The following PGAP1 variants were observed in gnomAD, a reference collection of about 807,000 sequenced individuals.
PGAP1 encodes the protein GPI inositol-deacylase.
In PGAP1, 76 loss-of-function variants were observed where a neutral mutation model predicts 127.0. The ratio of observed to expected loss-of-function variants is 0.60; its 90% confidence interval spans 0.50 to 0.72. The LOEUF is 0.72. PGAP1 is among the 30% of genes least tolerant of loss of function. The pLI, the probability that PGAP1 is intolerant of heterozygous loss-of-function variation, is 0.00. For missense variants in PGAP1, 982 were observed against 1,071.3 expected, an observed-to-expected ratio of 0.92 and a Z score of 1.16; for synonymous variants, 362 against 366.5, an observed-to-expected ratio of 0.99 and a Z score of 0.14.
Position 196,848,017 on chromosome 2 carries a change from T to C in PGAP1, c.1882A>G (p.Thr628Ala), listed in dbSNP as rs1334582239. The C allele has an allele frequency of 1.2e-6, 2 of 1,600,102 alleles. No individual in the cohort carries two copies. Among genetic ancestry groups the C allele is most frequent in the South Asian group, 1.1e-5 (1 of 87,696 alleles). The change falls in exon 21 of 27, where the codon ACC becomes GCC. Residue 628 changes from threonine (T) to alanine (A), a missense_variant. Physicochemically the swap from Thr to Ala is moderately conservative, Grantham distance 58. Coordinates refer to ENST00000354764, the MANE Select transcript of PGAP1 (RefSeq NM_024989.4). ...GGTTTGGCTTCTTTATCCAACATGG[T>C]AGCATATTCTAAGCAACAACCTGGT... is the stretch of plus-strand genomic sequence containing the variant. ...FSTGCCLEYA[T>A]MLDKEAKPYK...
intron 1 of PGAP1, among the ~76,000 whole-genome samples, chr2:196,925,127 A>G (rs1400046192): frequency 6.6e-6 from 1 of 152,232 alleles, no homozygotes; most frequent in Non-Finnish European, 1.5e-5. Flanking sequence ...CTTCGATAGC[A>G]TCCCTACCAA....
intron 1 of PGAP1, among the ~76,000 whole-genome samples, chr2:196,925,717 T>C (rs548831622): frequency 3.3e-5 from 5 of 152,070 alleles, no homozygotes; most frequent in South Asian, 2.1e-4. Flanking sequence ...CACCATGAAA[T>C]AGATTTTGTA....
intron 4 of PGAP1, among the ~76,000 whole-genome samples, chr2:196,911,988 A>T (rs1282846918): frequency 6.6e-6 from 1 of 152,118 alleles, no homozygotes; most frequent in East Asian, 1.9e-4. Flanking sequence ...GCCAGGGTCA[A>T]ATACTGGTTT....
At chr2:196,874,895 A>G (rs1306158205) in intron 14 of PGAP1, among the ~76,000 whole-genome samples, 1 of 152,164 alleles carries the variant, frequency 6.6e-6, no homozygotes, top group Non-Finnish European at 1.5e-5. Context: ...ACATGCCTGT[A>G]GTCCTAGCTA....
rs1248012314 is a variant in PGAP1 at position 196,920,129 on chromosome 2, G to A, written c.169C>T (p.Leu57=). 1.2e-6 allele frequency: 2 copies of A among 1,604,324 alleles called. No individual in the cohort carries two copies. Among genetic ancestry groups the A allele is most frequent in the African/African-American group, 1.3e-5 (1 of 74,630 alleles). Residue 57 remains leucine, a synonymous_variant, in exon 2 of 27, where the codon CTG becomes TTG. Transcript: ENST00000354764. The part of the protein sequence containing the change: ...EYQKIELPKK[L]AKRYPAYELY... ...TCATATGCGGGATAGCGTTTTGCCA[G>A]TTTCTTTGGAAGTTCTATTTTCTAC...
At chr2:196,884,710 A>G (rs1207299813) in intron 12 of PGAP1, among the ~76,000 whole-genome samples, 1 of 152,242 alleles carries the variant, frequency 6.6e-6, no homozygotes, top group Non-Finnish European at 1.5e-5. Context: ...AGGATTCATT[A>G]TGAAACTATA....
chr2:196,925,817 A>AAGAGG (rs1703341452), intron 1 of PGAP1, among the ~76,000 whole-genome samples: 1 of 152,172 alleles, frequency 6.6e-6, no homozygotes, highest in Non-Finnish European at 1.5e-5. Context: ...ACGGCCCCTT[A>AAGAGG]ACCTGCAAAA....
intron 12 of PGAP1, among the ~76,000 whole-genome samples, chr2:196,882,976 G>T (rs754884845): frequency 6.6e-5 from 10 of 152,148 alleles, no homozygotes; most frequent in Non-Finnish European, 1.2e-4. Flanking sequence ...TCAGTATGAT[G>T]TTGGCTGTGG....
chr2:196,922,232 T>A (rs1158588689), intron 1 of PGAP1: 2 of 1,262,274 alleles, frequency 1.6e-6, no homozygotes, highest in Non-Finnish European at 2.1e-6. Flanking sequence ...TCCCAGGTAA[T>A]AGAAAAATGC....
chr2:196,881,333 A>G (rs1053624465), intron 12 of PGAP1, among the ~76,000 whole-genome samples: 1 of 152,202 alleles, frequency 6.6e-6, no homozygotes, highest in East Asian at 1.9e-4. Context: ...ATGAACACAC[A>G]TACATGTGTC....
intron 17 of PGAP1, 169 bp downstream of exon 17, chr2:196,872,791 A>C: frequency 1.8e-6 from 1 of 558,908 alleles, no homozygotes; most frequent in Admixed American, 3.5e-5. Flanking sequence ...TAAGTTCTCT[A>C]TCATTTCATA....
chr2:196,895,946 G>A (rs112035936), intron 7 of PGAP1, among the ~76,000 whole-genome samples: 2 of 152,146 alleles, frequency 1.3e-5, no homozygotes, highest in African/African-American at 2.4e-5. Flanking sequence ...AGAAGCCAGA[G>A]CCATAGTTCT....
chr2:196,904,272 C>A (rs1440763225), intron 4 of PGAP1, among the ~76,000 whole-genome samples: 1 of 152,178 alleles, frequency 6.6e-6, no homozygotes, highest in South Asian at 2.1e-4. Context: ...CTAATTCGAT[C>A]CCGCATTGCA....
At chr2:196,878,184 T>C (rs1247870835) in intron 13 of PGAP1, among the ~76,000 whole-genome samples, 1 of 152,170 alleles carries the variant, frequency 6.6e-6, no homozygotes, top group Non-Finnish European at 1.5e-5. Flanking sequence ...CCAAAATGCA[T>C]GGAACTAGAA....
intron 6 of PGAP1, 113 bp downstream of exon 6, chr2:196,898,204 C>T (rs542208643): frequency 2.3e-5 from 16 of 684,568 alleles, no homozygotes; most frequent in East Asian, 1.7e-4. Flanking sequence ...GGCAACAGAG[C>T]GAGACTCTGT....
chr2:196,912,613 C>T (rs1248397603), intron 4 of PGAP1, among the ~76,000 whole-genome samples: 4 of 124,812 alleles, frequency 3.2e-5, no homozygotes, highest in South Asian at 2.5e-4. Flanking sequence ...AAAAACTAAA[C>T]GGAAGCCCTA....
rs1454327957 is a variant in PGAP1, at chr2:196,842,773, T to A, written c.2578A>T (p.Ile860Phe). Residue 860 changes from isoleucine (I) to phenylalanine (F), a missense_variant, in exon 26 of 27, where the codon ATT becomes TTT. Ile to Phe is a conservative substitution (Grantham distance 21). Transcript: ENST00000354764. ...TTTCCAAGAATTGCCATAGTCGGAA[T>A]AAGGATAAATGCCAAAGGTTTACAT... ...DPCKPLAFIL[I>F]PTMAILGNTY... The A allele has an allele frequency of 6.3e-7, 1 of 1,589,386 alleles. No individual in the cohort carries two copies. Among genetic ancestry groups the A allele is most frequent in the Non-Finnish European group, 8.6e-7 (1 of 1,164,588 alleles).
intron 1 of PGAP1, among the ~76,000 whole-genome samples, chr2:196,924,024 G>C (rs1250294237): frequency 6.6e-6 from 1 of 152,232 alleles, no homozygotes. Flanking sequence ...CTTGAGATAT[G>C]GGTTCGTGAG....
At position 196,885,853 on chromosome 2, in the gene PGAP1, T is replaced by C; in HGVS notation, c.1201A>G (p.Ile401Val). 7.0e-7 allele frequency: 1 copy of C among 1,419,656 alleles called. No individual in the cohort carries two copies. Among genetic ancestry groups the C allele is most frequent in the Non-Finnish European group, 9.2e-7 (1 of 1,082,558 alleles). The allele number at this position is 1,419,656 out of a possible 1,614,324, so 87.9% of individuals were successfully genotyped here. Residue 401 changes from isoleucine (I) to valine (V), a missense_variant, in exon 11 of 27, where the codon ATA (isoleucine) becomes GTA (valine). Ile to Val is a conservative substitution (Grantham distance 29). Coordinates refer to ENST00000354764, the MANE Select transcript of PGAP1 (RefSeq NM_024989.4). ...LDTNSWIFAC[I>V]NSTSMCLQGV... ...ACTTACCACATAGAAGTGCTGTTTATGCAAGCAAAAATCCAACTATTTGTA... is the reference window on the plus strand; with the variant it reads ...ACTTACCACATAGAAGTGCTGTTTACGCAAGCAAAAATCCAACTATTTGTA...
Sources: allele counts gnomAD v4.1 joint callset (sites outside exome capture counted in the v4.1 genomes callset), GRCh38; gene constraint gnomAD v4.1.1; transcripts MANE v1.5; gene names NCBI Gene and HGNC (gene_info 2026-07-23, HGNC 2026-07-21).